Variants in CLEC20A observed in about 807,000 individuals in gnomAD.
The protein encoded by CLEC20A is putative C-type lectin domain family 20 member A.
chr1:178,498,059 G>C (rs1379579129), upstream of CLEC20A, among the ~76,000 whole-genome samples: 1 of 152,112 alleles, frequency 6.6e-6, no homozygotes, highest in Non-Finnish European at 1.5e-5. Context: ...ACGTGAGGGA[G>C]AGGGCTGTCA....
upstream of CLEC20A, among the ~76,000 whole-genome samples, chr1:178,498,081 T>C (rs78250886): frequency 0.04 from 6,066 of 152,064 alleles, 133 homozygotes; most frequent in Middle Eastern, 0.082. Flanking sequence ...TTTCACTGGC[T>C]CACAGGGGAG....
chr1:178,482,334 A>G (rs1649011653), exon 7 of CLEC20A: 2 of 398,458 alleles, frequency 5.0e-6, no homozygotes, highest in Non-Finnish European at 8.8e-6. Context: ...TTGGTCTTTC[A>G]TCTCTTCTGG....
chr1:178,494,706 C>A (rs983471010), exon 2 of CLEC20A: 10 of 399,208 alleles, frequency 2.5e-5, no homozygotes, highest in Non-Finnish European at 4.4e-5. Context: ...GGCTGCAGGT[C>A]AGCGAGGTCT....
chr1:178,480,065 C>CACTA (rs1648925273), intron 7 of CLEC20A: 1 of 143,308 alleles, frequency 7.0e-6, no homozygotes, highest in Middle Eastern at 3.9e-3. Context: ...GGGTAAGAAA[C>CACTA]ACTAGTCCAA....
intron 2 of CLEC20A, among the ~76,000 whole-genome samples, chr1:178,493,968 G>A (rs150487975): frequency 1.2e-3 from 184 of 152,292 alleles, no homozygotes; most frequent in African/African-American, 4.2e-3. Flanking sequence ...TCTTCGAATA[G>A]GGGTGCAGAG....
At chr1:178,489,261 G>A (rs936543890) in intron 4 of CLEC20A, among the ~76,000 whole-genome samples, 1 of 152,096 alleles carries the variant, frequency 6.6e-6, no homozygotes, top group Non-Finnish European at 1.5e-5. Context: ...TACTTGGGAG[G>A]CTGAAGCGTG....
chr1:178,487,249 G>A (rs1572157024), intron 5 of CLEC20A, among the ~76,000 whole-genome samples: 1 of 152,214 alleles, frequency 6.6e-6, no homozygotes, highest in East Asian at 1.9e-4. Flanking sequence ...CAGGTGGCCA[G>A]CGAGCCTGGG....
chr1:178,486,652 G>T, intron 5 of CLEC20A: 2 of 398,738 alleles, frequency 5.0e-6, no homozygotes. Flanking sequence ...TATCCTGGGA[G>T]TAGCTGGGGC....
At chr1:178,486,788 C>G (rs963478963) in intron 5 of CLEC20A, 16 of 398,272 alleles carry the variant, frequency 4.0e-5, no homozygotes, top group Admixed American at 8.8e-5. Context: ...GCCGAGGGCG[C>G]AGGGTGGGAA....
At chr1:178,495,366 C>T (rs1407477103) in intron 1 of CLEC20A, among the ~76,000 whole-genome samples, 1 of 152,242 alleles carries the variant, frequency 6.6e-6, no homozygotes. Flanking sequence ...GCTCCAGGCC[C>T]ATATCCATGG....
At chr1:178,486,937 G>C in intron 5 of CLEC20A, 1 of 397,316 alleles carries the variant, frequency 2.5e-6, no homozygotes, top group Non-Finnish European at 4.4e-6. Context: ...CGCGGAGGCG[G>C]AAGCGCGCGA....
chr1:178,489,314 G>GATCA (rs1649223507), intron 4 of CLEC20A, among the ~76,000 whole-genome samples: 8 of 152,112 alleles, frequency 5.3e-5, no homozygotes, highest in Non-Finnish European at 1.2e-4. Flanking sequence ...AGTGAGCTGA[G>GATCA]GACCACTGCA....
intron 7 of CLEC20A, chr1:178,482,074 C>CAAA (rs1354315351): frequency 3.0e-6 from 1 of 333,934 alleles, no homozygotes; most frequent in African/African-American, 2.8e-5. Context: ...CAAAAAAAAA[C>CAAA]AAAAAAACAA....
chr1:178,484,490 C>T (rs547567308), intron 5 of CLEC20A: 15 of 151,682 alleles, frequency 9.9e-5, no homozygotes, highest in South Asian at 4.2e-4. Flanking sequence ...AGTTCAAGGC[C>T]GGCTGTGCAA....
upstream of CLEC20A, chr1:178,499,523 C>T (rs545898016): frequency 6.6e-6 from 1 of 152,190 alleles, no homozygotes; most frequent in Non-Finnish European, 1.5e-5. Flanking sequence ...ACTGGCTTGG[C>T]CTCAACATAC....
intron 5 of CLEC20A, among the ~76,000 whole-genome samples, chr1:178,485,692 A>T (rs962324900): frequency 5.9e-5 from 9 of 152,184 alleles, no homozygotes; most frequent in African/African-American, 2.2e-4. Context: ...TCATCTTGGT[A>T]TCCACAGTTC....
chr1:178,488,547 A>C (rs1385133682), exon 5 of CLEC20A: 3 of 398,634 alleles, frequency 7.5e-6, no homozygotes, highest in Admixed American at 4.4e-5. Context: ...CTGTGGGGGA[A>C]GTGTGGAAGA....
upstream of CLEC20A, among the ~76,000 whole-genome samples, chr1:178,499,099 AG>A (rs1292342974): frequency 2.0e-5 from 3 of 152,082 alleles, no homozygotes; most frequent in Non-Finnish European, 4.4e-5. Flanking sequence ...CTTTCCAGGA[AG>A]GGCCCTGCAG....
chr1:178,493,787 T>A (rs1270484123), intron 2 of CLEC20A: 1 of 152,250 alleles, frequency 6.6e-6, no homozygotes, highest in Non-Finnish European at 1.5e-5. Flanking sequence ...GACAGTGAAT[T>A]CTGCTCTTGC....
Sources: allele counts gnomAD v4.1 joint callset (sites outside exome capture counted in the v4.1 genomes callset), GRCh38; gene constraint gnomAD v4.1.1; transcripts MANE v1.5; gene names NCBI Gene and HGNC (gene_info 2026-07-23, HGNC 2026-07-21).